Variants in CRPPA observed in about 807,000 individuals in gnomAD.
The protein encoded by CRPPA is CDP-L-ribitol pyrophosphorylase A.
CRPPA carries 43 observed loss-of-function variants against 52.0 expected under a neutral mutation model. The observed-to-expected ratio is 0.83, with a 90% CI of 0.65 to 1.07. The LOEUF (loss-of-function observed/expected upper bound fraction) is 1.07, where lower values mean the gene tolerates loss of function less well. Among genes scored for constraint, CRPPA ranks in the 50% least tolerant of loss-of-function variants. CRPPA has a pLI of 0.00. For missense variants in CRPPA, 629 were observed against 551.7 expected, an observed-to-expected ratio of 1.14 and a Z score of -1.40; for synonymous variants, 250 against 203.5, an observed-to-expected ratio of 1.23 and a Z score of -1.94.
chr7:16,166,125 A>G (rs1317548525), intron 9 of CRPPA, among the ~76,000 whole-genome samples: 5 of 152,198 alleles, frequency 3.3e-5, no homozygotes, highest in South Asian at 2.1e-4. Context: ...GTTTTTTTCC[A>G]GCAGACTTTG....
At chr7:16,189,229 T>C (rs558566111) in intron 9 of CRPPA, among the ~76,000 whole-genome samples, 1 of 152,258 alleles carries the variant, frequency 6.6e-6, no homozygotes, top group Non-Finnish European at 1.5e-5. Context: ...GCAACTGGTA[T>C]ATTAACAAAG....
intron 4 of CRPPA, among the ~76,000 whole-genome samples, chr7:16,303,488 A>AC (rs1188875112): frequency 1.3e-4 from 18 of 143,224 alleles, no homozygotes; most frequent in South Asian, 4.3e-4. Flanking sequence ...AAAAAAAAAA[A>AC]AAAAAAAAAA....
intron 8 of CRPPA, among the ~76,000 whole-genome samples, chr7:16,250,481 C>G (rs1783416405): frequency 6.6e-6 from 1 of 152,144 alleles, no homozygotes; most frequent in Non-Finnish European, 1.5e-5. Context: ...AGAGAAAGGT[C>G]AGGTTACCCA....
At chr7:16,293,353 C>G (rs1314442034) in intron 5 of CRPPA, among the ~76,000 whole-genome samples, 1 of 151,794 alleles carries the variant, frequency 6.6e-6, no homozygotes, top group African/African-American at 2.4e-5. Context: ...TGTAACCATT[C>G]AAAGTAAGAG....
At chr7:16,342,586 T>C (rs917998803) in intron 3 of CRPPA, among the ~76,000 whole-genome samples, 1 of 151,260 alleles carries the variant, frequency 6.6e-6, no homozygotes, top group South Asian at 2.1e-4. Flanking sequence ...TATTTCATGT[T>C]GATAATCCTC....
chr7:16,411,634 CAT>C (rs1233754151), intron 1 of CRPPA, among the ~76,000 whole-genome samples: 1 of 151,622 alleles, frequency 6.6e-6, no homozygotes. Flanking sequence ...TTCTCAACCA[CAT>C]GTCAGTAAGT....
At chr7:16,128,653 G>A (rs556514944) in intron 9 of CRPPA, among the ~76,000 whole-genome samples, 31 of 152,236 alleles carry the variant, frequency 2.0e-4, no homozygotes, top group African/African-American at 7.5e-4. Flanking sequence ...AAGGCAGTGG[G>A]TGACAGTAAA....
At chr7:16,099,344 G>A (rs1222327549) in intron 9 of CRPPA, among the ~76,000 whole-genome samples, 1 of 145,234 alleles carries the variant, frequency 6.9e-6, no homozygotes, top group Non-Finnish European at 1.5e-5. Context: ...GGAAGGGACA[G>A]GAAGGGGAGG....
chr7:16,287,759 T>C (rs1784480164), intron 5 of CRPPA, among the ~76,000 whole-genome samples: 1 of 152,024 alleles, frequency 6.6e-6, no homozygotes, highest in Non-Finnish European at 1.5e-5. Flanking sequence ...CTGTCTCTAC[T>C]AAAAATACAG....
chr7:16,295,483 G>A (rs76557093), intron 5 of CRPPA, among the ~76,000 whole-genome samples: 2,179 of 152,094 alleles, frequency 0.014, 62 homozygotes, highest in African/African-American at 0.05. Context: ...TGTAGCACAA[G>A]TTTACTTGGG....
At chr7:16,341,854 C>A (rs1367608720) in intron 3 of CRPPA, among the ~76,000 whole-genome samples, 1 of 152,156 alleles carries the variant, frequency 6.6e-6, no homozygotes, top group South Asian at 2.1e-4. Flanking sequence ...AGCTTTTCCA[C>A]TATTTCTGTA....
intron 8 of CRPPA, among the ~76,000 whole-genome samples, chr7:16,217,086 G>A (rs1782346707): frequency 6.6e-6 from 1 of 150,490 alleles, no homozygotes; most frequent in Admixed American, 6.7e-5. Context: ...GCACGCAGCT[G>A]GAGATCTGAG....
At chr7:16,212,137 C>A (rs1020495539) in intron 9 of CRPPA, among the ~76,000 whole-genome samples, 4 of 151,898 alleles carry the variant, frequency 2.6e-5, no homozygotes, top group African/African-American at 9.7e-5. Context: ...GTCGTAGGAA[C>A]AAAAGAAAAC....
intron 9 of CRPPA, among the ~76,000 whole-genome samples, chr7:16,111,525 A>G (rs1030833807): frequency 6.6e-6 from 1 of 152,234 alleles, no homozygotes; most frequent in Non-Finnish European, 1.5e-5. Context: ...GATTAATATA[A>G]GAGTCCATCA....
chr7:16,099,969 G>A (rs945563511), intron 9 of CRPPA, among the ~76,000 whole-genome samples: 8 of 152,092 alleles, frequency 5.3e-5, no homozygotes, highest in Non-Finnish European at 8.8e-5. Flanking sequence ...ACTCCTCCAG[G>A]ATGCTCTAAC....
chr7:16,313,040 AC>A (rs1423065059), intron 3 of CRPPA, among the ~76,000 whole-genome samples: 2 of 151,842 alleles, frequency 1.3e-5, no homozygotes, highest in Non-Finnish European at 2.9e-5. Flanking sequence ...TCCTTGTAAC[AC>A]CTTTTTTGTA....
chr7:16,416,504 C>A (rs1212409259), intron 1 of CRPPA, among the ~76,000 whole-genome samples: 1 of 152,082 alleles, frequency 6.6e-6, no homozygotes, highest in Non-Finnish European at 1.5e-5. Flanking sequence ...CCAACAAAAA[C>A]AAAAATTGAC....
At chr7:16,290,766 G>T (rs559277761) in intron 5 of CRPPA, among the ~76,000 whole-genome samples, 1 of 151,696 alleles carries the variant, frequency 6.6e-6, no homozygotes, top group African/African-American at 2.4e-5. Context: ...CCAAAAGCAC[G>T]AACAAGAACA....
intron 6 of CRPPA, chr7:16,268,944 T>A (rs1035023338): frequency 1.3e-5 from 2 of 152,220 alleles, no homozygotes; most frequent in African/African-American, 4.8e-5. Flanking sequence ...TTCTCTTGCC[T>A]CCTTTTGTGA....
Sources: gnomAD v4.1 joint callset for allele counts (sites outside exome capture counted in the v4.1 genomes callset) on GRCh38, gnomAD v4.1.1 for gene constraint, MANE v1.5 for transcripts, NCBI Gene and HGNC (gene_info 2026-07-23, HGNC 2026-07-21) for gene names.